Variants in FRMD3 observed in about 807,000 individuals in gnomAD.
FRMD3 encodes the protein FERM domain containing 3.
A neutral mutation model predicts 70.2 loss-of-function variants in FRMD3; 33 were observed. That is an observed-to-expected ratio of 0.47 (90% CI 0.36 to 0.63). The LOEUF (loss-of-function observed/expected upper bound fraction) is 0.63, where lower values mean the gene tolerates loss of function less well. Ranked by LOEUF, FRMD3 falls within the 20% of genes least tolerant of loss-of-function variation. FRMD3 has a pLI of 0.00. For missense variants in FRMD3, 632 were observed against 711.4 expected (o/e 0.89, Z 1.27); for synonymous variants, 279 against 255.9 (o/e 1.09, Z -0.86).
chr9:83,322,464 A>G (rs886080718), intron 6 of FRMD3, among the ~76,000 whole-genome samples: 8 of 152,124 alleles, frequency 5.3e-5, no homozygotes, highest in Non-Finnish European at 1.2e-4. Context: ...TCCTAGGGGT[A>G]TGTAGGAGCA....
At chr9:83,265,384 A>G (rs1034990819) in intron 13 of FRMD3, among the ~76,000 whole-genome samples, 7 of 138,632 alleles carry the variant, frequency 5.0e-5, no homozygotes, top group Non-Finnish European at 4.6e-5. Flanking sequence ...TGGGCAACAG[A>G]GCGAGACTCT....
chr9:83,255,290 T>A (rs752772411), intron 13 of FRMD3, among the ~76,000 whole-genome samples: 20 of 152,150 alleles, frequency 1.3e-4, no homozygotes, highest in Non-Finnish European at 1.9e-4. Context: ...CACATGATTA[T>A]CTCAATATAT....
At chr9:83,314,232 C>T (rs1564010524) in intron 6 of FRMD3, among the ~76,000 whole-genome samples, 1 of 152,128 alleles carries the variant, frequency 6.6e-6, no homozygotes, top group Non-Finnish European at 1.5e-5. Flanking sequence ...CCCTGGACTT[C>T]AAAAGGAAAT....
chr9:83,453,980 G>T (rs1247929934), intron 1 of FRMD3, among the ~76,000 whole-genome samples: 3 of 152,120 alleles, frequency 2.0e-5, no homozygotes, highest in Non-Finnish European at 2.9e-5. Context: ...CTACTAAAGT[G>T]CTGGGATTAC....
chr9:83,571,425 A>G, the FRMD3 span, among the ~76,000 whole-genome samples: 1 of 152,220 alleles, frequency 6.6e-6, no homozygotes, highest in Non-Finnish European at 1.5e-5. Context: ...ATAGACTTCC[A>G]AGGTTTTTGA....
intron 11 of FRMD3, 38 bp downstream of exon 11, chr9:83,299,074 C>T (rs774834059): frequency 2.8e-6 from 4 of 1,429,718 alleles, no homozygotes; most frequent in Admixed American, 3.4e-5. Context: ...GGCTGCCCAT[C>T]CCCACCCCCT....
At chr9:83,262,609 G>A (rs1177446762) in intron 13 of FRMD3, among the ~76,000 whole-genome samples, 2 of 152,096 alleles carry the variant, frequency 1.3e-5, no homozygotes, top group African/African-American at 4.8e-5. Context: ...AAACTCTTTA[G>A]CCTGGTACAA....
intron 13 of FRMD3, 66 bp from the exon 14 acceptor site, chr9:83,248,582 G>T: frequency 6.7e-7 from 1 of 1,488,002 alleles, no homozygotes; most frequent in Non-Finnish European, 8.9e-7. Flanking sequence ...TCTGCAGGAA[G>T]AAACAGAAAA....
chr9:83,579,731 G>C, the FRMD3 span, among the ~76,000 whole-genome samples: 1 of 152,104 alleles, frequency 6.6e-6, no homozygotes, highest in East Asian at 1.9e-4. Flanking sequence ...GGGCGCAATG[G>C]TTTTTTGGAT....
intron 1 of FRMD3, among the ~76,000 whole-genome samples, chr9:83,489,490 A>G (rs1828766891): frequency 1.3e-5 from 2 of 152,218 alleles, no homozygotes; most frequent in Admixed American, 6.5e-5. Flanking sequence ...GAAGCAACCG[A>G]CAAACATGTG....
At chr9:83,564,133 T>G in the FRMD3 span, among the ~76,000 whole-genome samples, 1 of 152,172 alleles carries the variant, frequency 6.6e-6, no homozygotes, top group Admixed American at 6.5e-5. Context: ...TCCTCAAGCA[T>G]CTGGTAAGTA....
chr9:83,401,887 T>C (rs1446728257), intron 1 of FRMD3, among the ~76,000 whole-genome samples: 2 of 152,274 alleles, frequency 1.3e-5, no homozygotes, highest in African/African-American at 2.4e-5. Context: ...ATAATCCTAA[T>C]AGCGATCACA....
chr9:83,425,921 A>AAAC (rs1564071610), intron 1 of FRMD3, among the ~76,000 whole-genome samples: 2 of 151,058 alleles, frequency 1.3e-5, no homozygotes, highest in Non-Finnish European at 3.0e-5. Flanking sequence ...AAAAAAAAAA[A>AAAC]AAAAAAACAA....
downstream of FRMD3, among the ~76,000 whole-genome samples, chr9:83,243,835 G>A (rs1831960500): frequency 6.6e-6 from 1 of 152,104 alleles, no homozygotes; most frequent in Non-Finnish European, 1.5e-5. Flanking sequence ...TGGTTTAACT[G>A]TTAGGTATGG....
chr9:83,513,975 G>A (rs1829396008), intron 1 of FRMD3, among the ~76,000 whole-genome samples: 1 of 152,212 alleles, frequency 6.6e-6, no homozygotes, highest in South Asian at 2.1e-4. Context: ...CTGCAGACCA[G>A]GAGATTCCCT....
intron 13 of FRMD3, 109 bp downstream of exon 13, chr9:83,290,494 C>T: frequency 7.9e-7 from 1 of 1,260,192 alleles, no homozygotes; most frequent in Non-Finnish European, 1.2e-6. Flanking sequence ...ATGGCCCACT[C>T]CACCCCATAC....
chr9:83,388,102 T>C (rs988839316), intron 2 of FRMD3, among the ~76,000 whole-genome samples: 2 of 152,102 alleles, frequency 1.3e-5, no homozygotes, highest in African/African-American at 4.8e-5. Flanking sequence ...GAAACCAAAA[T>C]CCTTCTGAGC....
At chr9:83,571,658 A>T in the FRMD3 span, among the ~76,000 whole-genome samples, 2 of 152,226 alleles carry the variant, frequency 1.3e-5, no homozygotes, top group African/African-American at 4.8e-5. Context: ...GCTAAACATA[A>T]GTCCACACTG....
At chr9:83,534,224 C>T (rs942333508) in intron 1 of FRMD3, among the ~76,000 whole-genome samples, 6 of 152,176 alleles carry the variant, frequency 3.9e-5, no homozygotes, top group African/African-American at 1.4e-4. Flanking sequence ...CCTCTATCTT[C>T]CATCCTACCT....
Sources: allele counts gnomAD v4.1 joint callset (sites outside exome capture counted in the v4.1 genomes callset), GRCh38; gene constraint gnomAD v4.1.1; transcripts MANE v1.5; gene names NCBI Gene and HGNC (gene_info 2026-07-23, HGNC 2026-07-21).